SLCO4C1: variants seen among roughly 807,000 people sequenced by gnomAD.
SLCO4C1 encodes the protein organic anion transporter M1.
SLCO4C1 carries 58 observed loss-of-function variants against 72.1 expected under a neutral mutation model. That is an observed-to-expected ratio of 0.80 (90% confidence interval 0.65 to 1.00). The LOEUF is 1.00. Ranked by LOEUF, SLCO4C1 falls within the 50% of genes least tolerant of loss-of-function variation. The pLI is 0.00. For missense variants in SLCO4C1, 898 were observed against 857.9 expected (o/e 1.05, Z -0.58); for synonymous variants, 297 against 312.5 (o/e 0.95, Z 0.52).
chr5:102,278,580 C>A (rs1005900168), intron 2 of SLCO4C1, among the ~76,000 whole-genome samples: 2 of 152,120 alleles, frequency 1.3e-5, no homozygotes, highest in African/African-American at 4.8e-5. Context: ...CAGATCACAT[C>A]CTGCGCCATA....
At chr5:102,270,906 A>G (rs1749140650) in intron 2 of SLCO4C1, 100 bp from the exon 3 acceptor site, 1 of 887,512 alleles carries the variant, frequency 1.1e-6, no homozygotes, top group Non-Finnish European at 1.6e-6. Flanking sequence ...AACCTTATTT[A>G]TTTCTTCCAA....
chr5:102,242,160 A>G (rs1245538648), intron 10 of SLCO4C1, among the ~76,000 whole-genome samples: 1 of 152,228 alleles, frequency 6.6e-6, no homozygotes, highest in Non-Finnish European at 1.5e-5. Context: ...AGCCCTGGCC[A>G]GAGGTTAATC....
rs555885447 is a variant in SLCO4C1 at position 102,252,808 on chromosome 5, C to T, written c.1470-3020G>A. Among the ~76,000 whole-genome samples the T allele has an allele frequency of 1.6e-4, 25 of 152,102 alleles. No individual in the cohort carries two copies. In the South Asian group the frequency reaches 4.4e-3, roughly 27 times the overall value. On this transcript the variant is annotated intron_variant, in intron 8 of 12. Transcript: ENST00000310954. ...AACTAGAAAGCTATTAGTAGAAAAA[C>T]GGCAGATGCTTGTGAAGTTTATTAA...
intron 2 of SLCO4C1, among the ~76,000 whole-genome samples, chr5:102,274,999 A>C (rs1346289859): frequency 6.6e-6 from 1 of 152,078 alleles, no homozygotes; most frequent in African/African-American, 2.4e-5. Context: ...TGTCATAAGA[A>C]AAAAAAGGCA....
intron 2 of SLCO4C1, among the ~76,000 whole-genome samples, chr5:102,290,209 A>G (rs917294544): frequency 6.6e-6 from 1 of 152,188 alleles, no homozygotes; most frequent in Admixed American, 6.5e-5. Flanking sequence ...AGAGAGCTAC[A>G]GGGGAGGGGC....
At chr5:102,257,473 G>C (rs911822961) in intron 7 of SLCO4C1, among the ~76,000 whole-genome samples, 163 bp from the exon 8 acceptor site, 2 of 152,020 alleles carry the variant, frequency 1.3e-5, no homozygotes, top group Non-Finnish European at 2.9e-5. Context: ...CCATCAAGTA[G>C]GGAATTAGTC....
intron 2 of SLCO4C1, among the ~76,000 whole-genome samples, chr5:102,271,325 TTAA>T (rs1171480498): frequency 6.6e-6 from 1 of 151,024 alleles, no homozygotes; most frequent in Non-Finnish European, 1.5e-5. Flanking sequence ...ATAAATATTA[TTAA>T]TATTATATTG....
chr5:102,282,849 C>A (rs141797984), intron 2 of SLCO4C1, among the ~76,000 whole-genome samples: 6 of 151,956 alleles, frequency 3.9e-5, no homozygotes, highest in African/African-American at 1.4e-4. Flanking sequence ...ACAGTGTTAA[C>A]GGTGAATAAC....
chr5:102,237,258 G>T (rs1479115474), intron 12 of SLCO4C1, among the ~76,000 whole-genome samples: 1 of 152,012 alleles, frequency 6.6e-6, no homozygotes, highest in Non-Finnish European at 1.5e-5. Context: ...ACTTATTCTT[G>T]GTTATGCTTG....
Position 102,263,737 on chromosome 5 carries a change from A to G in SLCO4C1, c.846T>C (p.Tyr282=). The G allele has an allele frequency of 6.2e-7, 1 of 1,612,992 alleles. No individual in the cohort carries two copies. The highest frequency in any genetic ancestry group is 8.5e-7 in the Non-Finnish European group (1 of 1,179,256). The change falls in exon 4 of 13, where the codon TAT becomes TAC. Residue 282 remains tyrosine, a synonymous_variant. Coordinates refer to ENST00000310954, the MANE Select transcript of SLCO4C1 (RefSeq NM_180991.5). ...TGGTTAGCAGTTGTCCTCCCAATAC[A>G]TAGCCAATAGCAGGGCCTAAGATTG... is the stretch of plus-strand genomic sequence containing the variant. ...AMSILGPAIG[Y]VLGGQLLTIY...
At position 102,296,104 on chromosome 5, in the gene SLCO4C1, C is replaced by A; in HGVS notation, c.159G>T (p.Gln53His). 3 of 1,614,162 alleles carry A rather than the reference C, an allele frequency of 1.9e-6. No homozygotes were observed. In the East Asian group the frequency reaches 6.7e-5, roughly 36 times the overall value. ...ATGGCTCTGGTGACTTCTGGGGCTC[C>A]TGGGGCTTCTGAAGCTCCTGTGGCT... ...NSQPQELQKP[Q>H]EPQKSPEPSL... The change falls in exon 1 of 13, where the codon CAG becomes CAT. Residue 53 changes from glutamine (Q) to histidine (H), a missense_variant. Transcript: ENST00000310954.
rs58521731 is a variant in SLCO4C1, at chr5:102,270,823, A to AG, written c.620-18_620-17insC. Reference sequence around the variant, plus strand: ...CACAAGTGTCTTTGTGGAAAAAAAAATTGTGAATTTATAGAAATTCAGCTA... The same window carrying AG: ...CACAAGTGTCTTTGTGGAAAAAAAAAGTTGTGAATTTATAGAAATTCAGCTA... On this transcript the variant is annotated splice_polypyrimidine_tract_variant and intron_variant, in intron 2 of 12. Coordinates refer to ENST00000310954, the MANE Select transcript of SLCO4C1 (RefSeq NM_180991.5). The AG allele has an allele frequency of 2.5e-4, 386 of 1,542,120 alleles. 1 individual carries two copies. The East Asian group carries it at 3.7e-3, about 15-fold the overall frequency.
rs766779604 is a variant in SLCO4C1, at chr5:102,291,529, C to G, written c.433G>C (p.Gly145Arg). ...KRYEMKSSLT[G>R]LISSSYDISF... ...ATATCGTAGCTTGATGAAATCAGGCCAGTCAGGGAACTCTTCATTTCATAA... is the reference window on the plus strand; with the variant it reads ...ATATCGTAGCTTGATGAAATCAGGCGAGTCAGGGAACTCTTCATTTCATAA... Residue 145 changes from glycine (G) to arginine (R), a missense_variant, in exon 2 of 13, where the codon GGC (glycine) becomes CGC (arginine). Physicochemically the swap from Gly to Arg is moderately radical, Grantham distance 125. Transcript: ENST00000310954. 8.7e-6 allele frequency: 14 copies of G among 1,613,864 alleles called. No individual in the cohort carries two copies. The highest frequency in any genetic ancestry group is 1.1e-5 in the Non-Finnish European group (13 of 1,179,956).
At chr5:102,267,058 G>A (rs1749054995) in intron 3 of SLCO4C1, among the ~76,000 whole-genome samples, 1 of 152,060 alleles carries the variant, frequency 6.6e-6, no homozygotes, top group South Asian at 2.1e-4. Context: ...TTGTATCTAT[G>A]TTCATTAGGG....
intron 2 of SLCO4C1, among the ~76,000 whole-genome samples, chr5:102,272,362 T>A (rs964316923): frequency 2.6e-5 from 4 of 152,084 alleles, no homozygotes; most frequent in Admixed American, 6.6e-5. Context: ...TATAACCCAT[T>A]TTACAGTGCT....
chr5:102,240,045 G>C (rs527305428), intron 11 of SLCO4C1, among the ~76,000 whole-genome samples: 2 of 152,102 alleles, frequency 1.3e-5, no homozygotes, highest in South Asian at 4.2e-4. Flanking sequence ...ATACAAGTCA[G>C]AGTACTAGAC....
At chr5:102,262,586 T>G (rs1748961881) in intron 4 of SLCO4C1, among the ~76,000 whole-genome samples, 1 of 151,998 alleles carries the variant, frequency 6.6e-6, no homozygotes, top group Non-Finnish European at 1.5e-5. Context: ...GATTCTCCCA[T>G]TTTAGCCTCC....
intron 2 of SLCO4C1, among the ~76,000 whole-genome samples, chr5:102,284,465 C>A (rs1749411754): frequency 1.3e-5 from 2 of 152,146 alleles, no homozygotes; most frequent in African/African-American, 2.4e-5. Flanking sequence ...GTGTTCACTG[C>A]CTCATTTACC....
intron 2 of SLCO4C1, among the ~76,000 whole-genome samples, chr5:102,278,598 C>A (rs1749292952): frequency 1.3e-5 from 2 of 152,032 alleles, no homozygotes; most frequent in East Asian, 1.9e-4. Flanking sequence ...ATAGAGTAAA[C>A]CTTAATAAAT....
Sources: allele counts gnomAD v4.1 joint callset (sites outside exome capture counted in the v4.1 genomes callset), GRCh38; gene constraint gnomAD v4.1.1; transcripts MANE v1.5; gene names NCBI Gene and HGNC (gene_info 2026-07-23, HGNC 2026-07-21).